The following MAP7 variants were observed in gnomAD, a reference collection of about 807,000 sequenced individuals.
The protein encoded by MAP7 is microtubule associated protein 7, also known as ensconsin.
A neutral mutation model predicts 94.8 loss-of-function variants in MAP7; 52 were observed. The ratio of observed to expected loss-of-function variants is 0.55; its 90% confidence interval spans 0.44 to 0.69. The LOEUF is 0.69. MAP7 is among the 30% of genes least tolerant of loss of function. MAP7 has a pLI of 0.00. For synonymous variants in MAP7, 350 were observed against 357.0 expected (o/e 0.98, Z 0.22); for missense variants, 940 against 964.6 (o/e 0.97, Z 0.34).
chr6:136,403,347 C>G lies in MAP7; in HGVS notation c.244+8273G>C, dbSNP rs187465935. Among the ~76,000 whole-genome samples, 154 of 152,336 alleles carry G rather than the reference C, an allele frequency of 1.0e-3. 1 individual carries two copies. Among genetic ancestry groups the G allele is most frequent in the African/African-American group, 3.6e-3 (148 of 41,580 alleles). On this transcript the variant is annotated intron_variant, in intron 3 of 17. Coordinates refer to ENST00000354570, the MANE Select transcript of MAP7 (RefSeq NM_003980.6). ...TTTATAGGCATTGTCTTTGCAGCCA[C>G]TCTATGAGGCAGACACTGCCATTAA...
chr6:136,548,060 G>T (rs1829864841), intron 1 of MAP7, among the ~76,000 whole-genome samples: 1 of 151,360 alleles, frequency 6.6e-6, no homozygotes, highest in Non-Finnish European at 1.5e-5. Context: ...ACTCTTGATG[G>T]TAATAGTTTC....
Position 136,361,190 on chromosome 6 carries a change from A to G in MAP7, c.1527-11T>C, listed in dbSNP as rs762361718. The G allele has an allele frequency of 1.2e-6, 2 of 1,601,214 alleles. No individual in the cohort carries two copies. Among genetic ancestry groups the G allele is most frequent in the Admixed American group, 3.3e-5 (2 of 60,010 alleles). On this transcript the variant is annotated splice_polypyrimidine_tract_variant and intron_variant, in intron 11 of 17. Coordinates refer to ENST00000354570, the MANE Select transcript of MAP7 (RefSeq NM_003980.6). ...TCCTCTCTCTTTTGTCTGGAAAAAG[A>G]CAGAACAAAACCAAAACCAAAGACA...
At chr6:136,381,360 G>A (rs1188730141) in intron 6 of MAP7, among the ~76,000 whole-genome samples, 2 of 151,774 alleles carry the variant, frequency 1.3e-5, no homozygotes, top group Non-Finnish European at 1.5e-5. Context: ...TGTATTTTTA[G>A]TAGAGATGGG....
chr6:136,435,476 G>A (rs1796145291), intron 1 of MAP7, among the ~76,000 whole-genome samples: 1 of 152,202 alleles, frequency 6.6e-6, no homozygotes, highest in African/African-American at 2.4e-5. Flanking sequence ...CAGTCTTTGA[G>A]TGCCCCCTCA....
chr6:136,370,398 C>T (rs1012268874), intron 8 of MAP7, among the ~76,000 whole-genome samples: 15 of 152,152 alleles, frequency 9.9e-5, no homozygotes, highest in African/African-American at 3.6e-4. Flanking sequence ...CTATATGATC[C>T]AGCAATCCCT....
At chr6:136,431,583 T>C (rs774700456) in intron 1 of MAP7, among the ~76,000 whole-genome samples, 5 of 152,100 alleles carry the variant, frequency 3.3e-5, no homozygotes, top group Non-Finnish European at 5.9e-5. Flanking sequence ...AGTGGTGTGA[T>C]CTTGATTCAC....
intron 1 of MAP7, among the ~76,000 whole-genome samples, chr6:136,523,154 T>C (rs1012077818): frequency 6.6e-6 from 1 of 152,156 alleles, no homozygotes; most frequent in African/African-American, 2.4e-5. Flanking sequence ...GCAACAACAT[T>C]TAAGTGGAAA....
At chr6:136,358,817 T>C (rs576597013) in intron 15 of MAP7, among the ~76,000 whole-genome samples, 5 of 152,254 alleles carry the variant, frequency 3.3e-5, no homozygotes, top group East Asian at 1.9e-4. Flanking sequence ...TGTACAATCA[T>C]GAAGACCACG....
chr6:136,434,086 C>T lies in MAP7; in HGVS notation c.68-12287G>A, dbSNP rs116992964. ...CTTTGGGGTGCCAGGGCGAGTGGAT[C>T]GCTGAGCTCAGGAGTTCGAGACCAG... On this transcript the variant is annotated intron_variant, in intron 1 of 17. Coordinates refer to ENST00000354570, the MANE Select transcript of MAP7 (RefSeq NM_003980.6). Among the ~76,000 whole-genome samples, 1,921 of 152,118 alleles carry T rather than the reference C, an allele frequency of 0.013. 62 individuals carry two copies. The East Asian group carries it at 0.14, about 11-fold the overall frequency.
intron 2 of MAP7, among the ~76,000 whole-genome samples, chr6:136,416,022 T>C (rs950899334): frequency 1.3e-5 from 2 of 152,214 alleles, no homozygotes; most frequent in East Asian, 1.9e-4. Context: ...TTCCCATTAA[T>C]ATGAAAGTCT....
At chr6:136,344,363 GA>G in intron 17 of MAP7, 125 bp from the exon 18 acceptor site, 2 of 377,170 alleles carry the variant, frequency 5.3e-6, no homozygotes, top group Non-Finnish European at 9.4e-6. Context: ...ACTTATATAA[GA>G]ATAGGCAATT....
intron 1 of MAP7, among the ~76,000 whole-genome samples, chr6:136,446,301 T>G (rs1319263639): frequency 6.6e-6 from 1 of 150,884 alleles, no homozygotes; most frequent in African/African-American, 2.4e-5. Context: ...TCATCAGAGG[T>G]GGATAGGGCA....
At chr6:136,421,333 T>G (rs1475202122) in intron 2 of MAP7, among the ~76,000 whole-genome samples, 2 of 152,238 alleles carry the variant, frequency 1.3e-5, no homozygotes, top group African/African-American at 4.8e-5. Flanking sequence ...TATAAAAAAT[T>G]GTGTCCTATC....
intron 1 of MAP7, among the ~76,000 whole-genome samples, chr6:136,451,489 T>C (rs1358856676): frequency 1.3e-5 from 2 of 152,202 alleles, no homozygotes; most frequent in Non-Finnish European, 2.9e-5. Context: ...ATCCAAGTGA[T>C]CTGATGGAGA....
At chr6:136,424,893 T>A (rs1242621980) in intron 1 of MAP7, among the ~76,000 whole-genome samples, 1 of 152,226 alleles carries the variant, frequency 6.6e-6, no homozygotes, top group African/African-American at 2.4e-5. Context: ...GTCACTCTTT[T>A]TAATAAAATC....
At position 136,389,484 on chromosome 6, in the gene MAP7, T is replaced by A; in HGVS notation, c.278A>T (p.Glu93Val). 1 of 1,610,260 alleles carries A rather than the reference T, an allele frequency of 6.2e-7. No homozygotes were observed. Among genetic ancestry groups the A allele is most frequent in the Non-Finnish European group, 8.5e-7 (1 of 1,179,252 alleles). Residue 93 changes from glutamate (E) to valine (V), a missense_variant, in exon 4 of 18, where the codon GAG becomes GTG. By Grantham distance (121) the Glu-to-Val change is moderately radical (BLOSUM62 -2). Transcript: ENST00000354570. The part of the protein sequence containing the change: ...AREIVWLERE[E>V]RARQHYEKHL... The stretch of plus-strand genomic sequence containing the variant: ...CTTCTCGTAGTGCTGCCTGGCTCGC[T>A]CTTCTCTTTCTAACCACACTATTTC...
intron 1 of MAP7, among the ~76,000 whole-genome samples, chr6:136,511,284 T>C (rs1163383648): frequency 6.6e-6 from 1 of 152,080 alleles, no homozygotes; most frequent in East Asian, 1.9e-4. Flanking sequence ...AGAATTAGGA[T>C]AGGATTTTCT....
intron 6 of MAP7, among the ~76,000 whole-genome samples, chr6:136,381,877 T>TACACACACACACACACACACACACAC (rs1156527948): frequency 4.3e-5 from 4 of 92,954 alleles, no homozygotes; most frequent in East Asian, 3.1e-4. Flanking sequence ...CTTCTAACCT[T>TACACACACACACACACACACACACAC]ACACACACAC....
At chr6:136,441,404 A>T (rs1244193547) in intron 1 of MAP7, among the ~76,000 whole-genome samples, 1 of 152,228 alleles carries the variant, frequency 6.6e-6, no homozygotes, top group South Asian at 2.1e-4. Flanking sequence ...ATGTTCACGA[A>T]ATCAAATAAT....
Sources: allele counts gnomAD v4.1 joint callset (sites outside exome capture counted in the v4.1 genomes callset), GRCh38; gene constraint gnomAD v4.1.1; transcripts MANE v1.5; gene names NCBI Gene and HGNC (gene_info 2026-07-23, HGNC 2026-07-21).